Variants in ADGRV1 observed in about 807,000 individuals in gnomAD.
ADGRV1 encodes G-protein coupled receptor 98.
A neutral mutation model predicts 596.2 loss-of-function variants in ADGRV1; 359 were observed. That is an observed-to-expected ratio of 0.60 (90% CI 0.55 to 0.66). The LOEUF is 0.66. ADGRV1 is among the 30% of genes least tolerant of loss of function. ADGRV1 has a pLI of 0.00. For missense variants in ADGRV1, 7,274 were observed against 7,575.6 expected (o/e 0.96, Z 1.48); for synonymous variants, 2,681 against 2,679.2 (o/e 1.00, Z -0.02).
chr5:90,782,609 G>T (rs1176074280), intron 65 of ADGRV1, among the ~76,000 whole-genome samples: 1 of 152,056 alleles, frequency 6.6e-6, no homozygotes, highest in Non-Finnish European at 1.5e-5. Context: ...CACATTTTCA[G>T]ATTCACAAGT....
intron 1 of ADGRV1, among the ~76,000 whole-genome samples, chr5:90,569,211 A>G (rs1379814030): frequency 6.6e-6 from 1 of 151,690 alleles, no homozygotes; most frequent in Non-Finnish European, 1.5e-5. Flanking sequence ...AAGCCTTCAT[A>G]ATGTAATCAC....
intron 83 of ADGRV1, among the ~76,000 whole-genome samples, chr5:90,866,231 C>T (rs988942981): frequency 3.3e-5 from 5 of 151,846 alleles, no homozygotes; most frequent in African/African-American, 1.2e-4. Context: ...ATCAGAAAGT[C>T]AGGAAAATAT....
chr5:90,821,158 C>A (rs1471505448), intron 75 of ADGRV1, among the ~76,000 whole-genome samples: 1 of 151,708 alleles, frequency 6.6e-6, no homozygotes, highest in Non-Finnish European at 1.5e-5. Context: ...CGCTTCATTT[C>A]ATTCATTTCA....
intron 85 of ADGRV1, among the ~76,000 whole-genome samples, chr5:91,035,897 T>C (rs1317617282): frequency 3.4e-5 from 2 of 58,758 alleles, no homozygotes; most frequent in Non-Finnish European, 8.7e-5. Context: ...CAACAATGCC[T>C]AGCACCTGGT....
intron 70 of ADGRV1, chr5:90,792,412 G>T (rs903203409): frequency 6.6e-6 from 1 of 152,168 alleles, no homozygotes; most frequent in African/African-American, 2.4e-5. Context: ...CTTTTGATGT[G>T]TTGTGTACTC....
At chr5:90,662,125 G>A (rs1345617267) in intron 21 of ADGRV1, among the ~76,000 whole-genome samples, 2 of 150,176 alleles carry the variant, frequency 1.3e-5, no homozygotes, top group African/African-American at 4.9e-5. Flanking sequence ...GAGTCACAGT[G>A]TACTAGCTTC....
intron 83 of ADGRV1, among the ~76,000 whole-genome samples, chr5:90,921,102 G>A (rs937358103): frequency 2.7e-4 from 41 of 152,148 alleles, no homozygotes; most frequent in African/African-American, 8.9e-4. Context: ...ATGCCCAAAT[G>A]AAAGTGTAAC....
chr5:91,157,784 T>C (rs1384514805), intron 89 of ADGRV1, among the ~76,000 whole-genome samples: 4 of 152,186 alleles, frequency 2.6e-5, no homozygotes, highest in East Asian at 1.9e-4. Flanking sequence ...GAATAATAGA[T>C]ATGGAAATTC....
intron 85 of ADGRV1, among the ~76,000 whole-genome samples, chr5:91,054,071 TTGTGTGTG>T (rs769226492): frequency 4.5e-5 from 6 of 133,060 alleles, no homozygotes; most frequent in South Asian, 2.5e-4. Flanking sequence ...CTGTGTGTGT[TTGTGTGTG>T]TGTGTGTGTG....
rs370142714 is a variant in ADGRV1, at chr5:90,729,870, AT to A, written c.10549+119del. On this transcript the variant is annotated intron_variant, in intron 50 of 89. Transcript: ENST00000405460. ...AGTATCACATTGCCAGACACTGGGT[AT>A]TTTTTTTTTTTTGGAGATGGGGTCT... 152,094 of 859,524 alleles carry A rather than the reference AT, an allele frequency of 0.18. 1 individual carries two copies. Among genetic ancestry groups the A allele is most frequent in the East Asian group, 0.23 (6,797 of 29,394 alleles). 53.2% of individuals were successfully genotyped at this position (859,524 alleles called of 1,614,324 possible). A position where few individuals can be genotyped will look rare whatever the true frequency, so the allele number is the denominator to read the frequency against.
chr5:90,730,173 A>G (rs1161334500), intron 50 of ADGRV1, among the ~76,000 whole-genome samples: 1 of 152,216 alleles, frequency 6.6e-6, no homozygotes, highest in East Asian at 1.9e-4. Flanking sequence ...GGGTATTTTA[A>G]TAGGAATGTA....
At chr5:91,077,454 CTT>C (rs1200209063) in intron 86 of ADGRV1, among the ~76,000 whole-genome samples, 2 of 152,188 alleles carry the variant, frequency 1.3e-5, no homozygotes, top group Non-Finnish European at 2.9e-5. Flanking sequence ...TTTTGAGTGA[CTT>C]TTTTGTTCTC....
rs574339267 is a variant in ADGRV1, at chr5:90,780,125, G to A, written c.13082+1028G>A. On this transcript the variant is annotated intron_variant, in intron 64 of 89. Transcript: ENST00000405460. ...TTTGGTAAAAGTAGTCGTTTAGTGT[G>A]AGATCATATTTGTGTTACTGACCAG... 3.3e-5 allele frequency: 5 copies of A among 152,298 alleles called. No homozygotes were observed. The South Asian group carries it at 1.0e-3, about 32-fold the overall frequency. 9.4% of individuals were successfully genotyped at this position (152,298 alleles called of 1,614,324 possible).
intron 34 of ADGRV1, among the ~76,000 whole-genome samples, chr5:90,697,721 T>A (rs1234905629): frequency 6.6e-6 from 1 of 152,164 alleles, no homozygotes; most frequent in African/African-American, 2.4e-5. Flanking sequence ...ATATTTTACA[T>A]CATATGTAGG....
chr5:90,980,719 G>A (rs574603942), intron 84 of ADGRV1, among the ~76,000 whole-genome samples: 31 of 152,236 alleles, frequency 2.0e-4, no homozygotes, highest in Middle Eastern at 3.4e-3. Context: ...TTTGACTTGC[G>A]TTCTGTTAGT....
chr5:90,919,235 G>A (rs1018322249), intron 83 of ADGRV1, among the ~76,000 whole-genome samples: 5 of 152,108 alleles, frequency 3.3e-5, no homozygotes, highest in Admixed American at 2.6e-4. Context: ...CAAATCTACT[G>A]TTCCTATCTC....
At chr5:91,158,566 C>G (rs1342710924) in intron 89 of ADGRV1, among the ~76,000 whole-genome samples, 1 of 152,130 alleles carries the variant, frequency 6.6e-6, no homozygotes, top group Non-Finnish European at 1.5e-5. Flanking sequence ...CCCTAAGATC[C>G]TGCACTAAAA....
chr5:90,584,396 A>G (rs888157134), intron 1 of ADGRV1, among the ~76,000 whole-genome samples: 11 of 152,280 alleles, frequency 7.2e-5, no homozygotes, highest in South Asian at 4.1e-4. Context: ...TTTCTTCTTG[A>G]AGCGGAGTCC....
chr5:90,570,918 T>C (rs1756444497), intron 1 of ADGRV1, among the ~76,000 whole-genome samples: 1 of 152,152 alleles, frequency 6.6e-6, no homozygotes, highest in African/African-American at 2.4e-5. Flanking sequence ...GTCTAACATC[T>C]GGTATGTTCT....
Sources: gnomAD v4.1 joint callset for allele counts (sites outside exome capture counted in the v4.1 genomes callset) on GRCh38, gnomAD v4.1.1 for gene constraint, MANE v1.5 for transcripts, NCBI Gene and HGNC (gene_info 2026-07-23, HGNC 2026-07-21) for gene names.